LSM7: variants seen among roughly 807,000 people sequenced by gnomAD.
LSM7 encodes the protein U6 snRNA-associated Sm-like protein LSm7.
Under a neutral mutation model 14.1 loss-of-function variants are expected in LSM7, and 13 were observed. That is an observed-to-expected ratio of 0.92 (90% CI 0.60 to 1.47). The LOEUF is 1.47. Ranked by LOEUF, LSM7 falls within the 40% of genes most tolerant of loss-of-function variation. The probability of loss-of-function intolerance (pLI) is 0.00; values close to 1 mark genes in which losing one functional copy is unlikely to be tolerated. For missense variants in LSM7, 108 were observed against 140.8 expected, an observed-to-expected ratio of 0.77 and a Z score of 1.18; for synonymous variants, 70 against 57.1, an observed-to-expected ratio of 1.23 and a Z score of -1.02.
intron 3 of LSM7, among the ~76,000 whole-genome samples, chr19:2,323,009 T>C (rs1967957296): frequency 6.6e-6 from 1 of 151,816 alleles, no homozygotes; most frequent in Non-Finnish European, 1.5e-5. Context: ...TGAGCCACCA[T>C]GGCCAGCTAC....
intron 2 of LSM7, chr19:2,328,172 A>C (rs1968077810): frequency 1.9e-6 from 1 of 533,788 alleles, no homozygotes; most frequent in South Asian, 2.4e-5. Context: ...CGGGAGGCTG[A>C]GGCACAAGAA....
At chr19:2,324,385 A>G (rs10404826) in intron 2 of LSM7, 189 bp from the exon 3 acceptor site, 428,377 of 583,834 alleles carry the variant, frequency 0.73, 159,786 homozygotes, top group Non-Finnish European at 0.79. Context: ...GCAGCAGACC[A>G]CGTCTGCGGG....
chr19:2,324,007 A>T (rs1967975902), intron 3 of LSM7, 118 bp downstream of exon 3: 8 of 860,546 alleles, frequency 9.3e-6, no homozygotes, highest in Admixed American at 2.2e-5. Flanking sequence ...AGAGAAGAAG[A>T]GCCAGCAGGG....
intron 2 of LSM7, among the ~76,000 whole-genome samples, chr19:2,326,790 G>T (rs975304440): frequency 3.3e-5 from 5 of 152,218 alleles, no homozygotes; most frequent in African/African-American, 1.2e-4. Flanking sequence ...TCTGAAAGAT[G>T]ATTCTCCCAC....
intron 3 of LSM7, among the ~76,000 whole-genome samples, chr19:2,323,868 C>T (rs1032727419): frequency 6.8e-4 from 104 of 152,246 alleles, no homozygotes; most frequent in African/African-American, 2.4e-3. Flanking sequence ...TGGCAGCTCC[C>T]GTCTCTCCAG....
At chr19:2,325,998 T>C (rs943663255) in intron 2 of LSM7, 7 of 152,416 alleles carry the variant, frequency 4.6e-5, no homozygotes, top group African/African-American at 1.7e-4. Flanking sequence ...TGGGGTCAGA[T>C]GCAGATGTTC....
chr19:2,324,211 CGG>C lies in LSM7; in HGVS notation c.98-17_98-16del. ...GATTCCACTGGCTTGGAGAAATCAC[CGG>C]GGGAGAGAAAAGAGAAGGCATGAGA... On this transcript the variant is annotated splice_polypyrimidine_tract_variant and intron_variant, in intron 2 of 3. Transcript: ENST00000252622. 6.4e-7 allele frequency: 1 copy of C among 1,564,644 alleles called. No homozygotes were observed. The highest frequency in any genetic ancestry group is 8.7e-7 in the Non-Finnish European group (1 of 1,153,742).
chr19:2,326,328 G>GTGTGTA (rs1968017201), intron 2 of LSM7, among the ~76,000 whole-genome samples: 1 of 99,542 alleles, frequency 1.0e-5, no homozygotes, highest in Non-Finnish European at 2.2e-5. Flanking sequence ...GTGTGTGTGT[G>GTGTGTA]TGTGTGTGTG....
chr19:2,328,008 T>G, intron 2 of LSM7: 1 of 188,456 alleles, frequency 5.3e-6, no homozygotes, highest in Non-Finnish European at 1.1e-5. Flanking sequence ...AGGCTGGGCA[T>G]GGTGGCTCAT....
chr19:2,328,537 C>T (rs748849953), intron 1 of LSM7, 24 bp downstream of exon 1: 1 of 1,604,170 alleles, frequency 6.2e-7, no homozygotes, highest in Non-Finnish European at 8.5e-7. Context: ...CGCCCCCCGG[C>T]TCCAGATTCC....
chr19:2,322,402 G>A (rs988836462), intron 3 of LSM7, among the ~76,000 whole-genome samples: 2 of 152,298 alleles, frequency 1.3e-5, no homozygotes, highest in Non-Finnish European at 2.9e-5. Flanking sequence ...TTAGCCGGGC[G>A]TGGTGGCAGG....
intron 2 of LSM7, 113 bp from the exon 3 acceptor site, chr19:2,324,309 T>C (rs1228317890): frequency 2.4e-6 from 2 of 844,846 alleles, no homozygotes; most frequent in East Asian, 5.3e-5. Context: ...GATGGAGGAC[T>C]GAGGGTAGGA....
chr19:2,327,750 T>A (rs1375986940), intron 2 of LSM7, among the ~76,000 whole-genome samples: 1 of 152,120 alleles, frequency 6.6e-6, no homozygotes, highest in Non-Finnish European at 1.5e-5. Flanking sequence ...TTGTCTACAA[T>A]CCAGGGACAA....
intron 2 of LSM7, among the ~76,000 whole-genome samples, chr19:2,326,310 TTTTGTGTG>T (rs1437268080): frequency 0.022 from 2,163 of 99,762 alleles, 18 homozygotes; most frequent in Non-Finnish European, 0.032. Flanking sequence ...CCTTTCTGCT[TTTTGTGTG>T]TGTGTGTGTG....
chr19:2,324,235 G>A, intron 2 of LSM7, 39 bp from the exon 3 acceptor site: 1 of 1,506,446 alleles, frequency 6.6e-7, no homozygotes, highest in Non-Finnish European at 9.1e-7. Flanking sequence ...GAGAAGGCAT[G>A]AGATCCGTCC....
Position 2,328,414 on chromosome 19 carries a change from G to A in LSM7, c.70C>T (p.Arg24Trp), listed in dbSNP as rs1472605129. ...TCGCGGCCTCCCTGGAACTTTACCC[G>A]GATCGTCTTGTCGATGTACTTGGAC... ...DLSKYIDKTI[R>W]VKFQGGREAS... The change falls in exon 2 of 4, where the codon CGG becomes TGG. Residue 24 changes from arginine (R) to tryptophan (W), a missense_variant. Physicochemically the swap from Arg to Trp is moderately radical, Grantham distance 101 (BLOSUM62 -3). Coordinates refer to ENST00000252622, the MANE Select transcript of LSM7 (RefSeq NM_016199.3). The A allele has an allele frequency of 6.2e-7, 1 of 1,613,928 alleles. No individual in the cohort carries two copies. Among genetic ancestry groups the A allele is most frequent in the Non-Finnish European group, 8.5e-7 (1 of 1,179,870 alleles).
chr19:2,324,569 C>T (rs549968789), intron 2 of LSM7: 5 of 246,386 alleles, frequency 2.0e-5, no homozygotes, highest in East Asian at 8.4e-5. Flanking sequence ...ATTTCCACAT[C>T]GTGAGACAGT....
chr19:2,326,358 T>TGTGTGTGTGTGTGTGTG (rs1334972967), intron 2 of LSM7, among the ~76,000 whole-genome samples: 2 of 68,264 alleles, frequency 2.9e-5, no homozygotes, highest in Admixed American at 1.5e-4. Context: ...GTGTGTGTGT[T>TGTGTGTGTGTGTGTGTG]TGAGATGGAG....
intron 2 of LSM7, among the ~76,000 whole-genome samples, chr19:2,327,328 C>T (rs549187717): frequency 2.7e-5 from 4 of 150,504 alleles, no homozygotes; most frequent in South Asian, 4.2e-4. Context: ...GGCACAATCT[C>T]GCCTCTGGGG....
Sources: gnomAD v4.1 joint callset for allele counts (sites outside exome capture counted in the v4.1 genomes callset) on GRCh38, gnomAD v4.1.1 for gene constraint, MANE v1.5 for transcripts, NCBI Gene and HGNC (gene_info 2026-07-23, HGNC 2026-07-21) for gene names.